HAUS1: variants seen among roughly 807,000 people sequenced by gnomAD.
HAUS1 encodes the protein HAUS augmin like complex subunit 1, also known as HAUS augmin-like complex subunit 1.
Under a neutral mutation model 38.6 loss-of-function variants are expected in HAUS1, and 25 were observed. The ratio of observed to expected loss-of-function variants is 0.65; its 90% confidence interval spans 0.47 to 0.91. HAUS1 has a LOEUF of 0.91. Among genes scored for constraint, HAUS1 ranks in the 40% least tolerant of loss-of-function variants. The probability of loss-of-function intolerance (pLI) is 0.00; values close to 1 mark genes in which losing one functional copy is unlikely to be tolerated. For missense variants in HAUS1, 325 were observed against 328.4 expected (o/e 0.99, Z 0.08); for synonymous variants, 109 against 112.9 (o/e 0.97, Z 0.22).
In HAUS1 at chr18:46,124,846, A is replaced by G; in HGVS notation, c.691A>G (p.Thr231Ala). ...SEKLARLKQQ[T>A]IPLKKKLESY... The stretch of plus-strand genomic sequence containing the variant: ...GAAACTGGCAAGATTAAAGCAACAG[A>G]CTATACCTTTGAAGAAAAAATTGGA... Residue 231 changes from threonine to alanine, a missense_variant, in exon 7 of 9, where the codon ACT (threonine) becomes GCT (alanine). Thr to Ala is a moderately conservative substitution (Grantham distance 58). Transcript: ENST00000282058. The G allele has an allele frequency of 6.2e-7, 1 of 1,606,894 alleles. No individual in the cohort carries two copies. The highest frequency in any genetic ancestry group is 2.2e-5 in the East Asian group (1 of 44,828).
chr18:46,116,227 A>T (rs952950989), intron 2 of HAUS1, among the ~76,000 whole-genome samples: 1 of 152,126 alleles, frequency 6.6e-6, no homozygotes, highest in Non-Finnish European at 1.5e-5. Context: ...AATATATCTG[A>T]TATGGGACTT....
rs544347211 is a variant in HAUS1 at position 46,118,154 on chromosome 18, C to A, written c.206-27C>A. The A allele has an allele frequency of 5.6e-6, 9 of 1,606,798 alleles. No individual in the cohort carries two copies. In the South Asian group the frequency reaches 1.0e-4, roughly 18 times the overall value. Reference sequence around the variant, plus strand: ...AAAAATTTTTAAAAAAGCAAACAGTCACTATGGAACTCTTTCATGTTTTTA... The same window carrying A: ...AAAAATTTTTAAAAAAGCAAACAGTAACTATGGAACTCTTTCATGTTTTTA... On this transcript the variant is annotated intron_variant, in intron 2 of 8. Coordinates refer to ENST00000282058, the MANE Select transcript of HAUS1 (RefSeq NM_138443.4).
chr18:46,128,309 T>C lies in HAUS1; in HGVS notation c.*184T>C. The C allele has an allele frequency of 2.2e-6, 1 of 456,946 alleles. No individual in the cohort carries two copies. The highest frequency in any genetic ancestry group is 4.0e-6 in the Non-Finnish European group (1 of 252,034). 28.3% of individuals were successfully genotyped at this position (456,946 alleles called of 1,614,324 possible). On this transcript the variant is annotated 3_prime_UTR_variant, in exon 9 of 9. Transcript: ENST00000282058. ...ATTTTTGTGCCCAAATACATAGTTT[T>C]CATATTAAAAAGCCTTTTCTCTTAC...
intron 1 of HAUS1, 67 bp from the exon 2 acceptor site, chr18:46,105,127 G>A: frequency 8.2e-7 from 1 of 1,220,214 alleles, no homozygotes; most frequent in African/African-American, 1.5e-5. Flanking sequence ...TCACTTCTTT[G>A]TCATATTCTC....
chr18:46,108,753 G>A (rs965525325), intron 2 of HAUS1, among the ~76,000 whole-genome samples: 1 of 151,898 alleles, frequency 6.6e-6, no homozygotes. Flanking sequence ...CTGCTATAAC[G>A]AACTACCTGA....
At chr18:46,118,337 A>C (rs1473757966) in intron 3 of HAUS1, 21 bp downstream of exon 3, 3 of 1,611,986 alleles carry the variant, frequency 1.9e-6, no homozygotes, top group Admixed American at 1.7e-5. Flanking sequence ...TGACAGTTTT[A>C]ATTTCCGCAA....
At chr18:46,121,859 T>G (rs1911951313) in intron 4 of HAUS1, 1 of 152,146 alleles carries the variant, frequency 6.6e-6, no homozygotes, top group Non-Finnish European at 1.5e-5. Context: ...TTTTTTTATT[T>G]GAGATGGAGT....
At chr18:46,110,333 G>GTTTTTTTTTTTTTTTTTTTATTTTTTTT (rs1911588071) in intron 2 of HAUS1, among the ~76,000 whole-genome samples, 1 of 49,994 alleles carries the variant, frequency 2.0e-5, no homozygotes, top group Non-Finnish European at 3.5e-5. Context: ...TTTTTTTAAG[G>GTTTTTTTTTTTTTTTTTTTATTTTTTTT]TTTTTTTTTT....
At chr18:46,112,952 T>C (rs1911692895) in intron 2 of HAUS1, among the ~76,000 whole-genome samples, 1 of 110,906 alleles carries the variant, frequency 9.0e-6, no homozygotes, top group Non-Finnish European at 1.7e-5. Flanking sequence ...ATATATAATA[T>C]ATATAATATG....
At chr18:46,115,478 ATT>A (rs1159101692) in intron 2 of HAUS1, among the ~76,000 whole-genome samples, 1 of 97,274 alleles carries the variant, frequency 1.0e-5, no homozygotes, top group Non-Finnish European at 2.2e-5. Flanking sequence ...AAAAAAAAAA[ATT>A]AGCCAGGGGT....
intron 2 of HAUS1, among the ~76,000 whole-genome samples, chr18:46,108,064 T>C (rs530241031): frequency 1.3e-5 from 2 of 152,240 alleles, no homozygotes; most frequent in South Asian, 4.1e-4. Context: ...TCATTCTTCG[T>C]GCCACCTGTT....
chr18:46,108,271 C>CTTTTTTT (rs1166729740), intron 2 of HAUS1, among the ~76,000 whole-genome samples: 3 of 115,214 alleles, frequency 2.6e-5, no homozygotes, highest in Non-Finnish European at 5.5e-5. Context: ...GAATTTACTT[C>CTTTTTTT]TTTTTTTTTT....
chr18:46,117,408 G>T lies in HAUS1; in HGVS notation c.206-773G>T, dbSNP rs557460443. Reference sequence around the variant, plus strand: ...GGCATGGATGAACCTTGAAACTATTGTGAGAGAAGCTAGTCGCAAAGGACC... The same window carrying T: ...GGCATGGATGAACCTTGAAACTATTTTGAGAGAAGCTAGTCGCAAAGGACC... On this transcript the variant is annotated intron_variant, in intron 2 of 8. Coordinates refer to ENST00000282058, the MANE Select transcript of HAUS1 (RefSeq NM_138443.4). Among the ~76,000 whole-genome samples the T allele has an allele frequency of 7.2e-5, 11 of 152,326 alleles. No homozygotes were observed. The East Asian group carries it at 2.1e-3, about 29-fold the overall frequency.
At chr18:46,113,052 TTATATATATAATATATATATTCC>T in intron 2 of HAUS1, among the ~76,000 whole-genome samples, 2 of 134,474 alleles carry the variant, frequency 1.5e-5, no homozygotes, top group African/African-American at 5.7e-5. Context: ...ATATTCCATA[TTATATATATAATATATATATTCC>T]ATATATATAT....
intron 4 of HAUS1, among the ~76,000 whole-genome samples, chr18:46,122,025 A>G (rs1157044053): frequency 6.6e-6 from 1 of 152,002 alleles, no homozygotes; most frequent in Non-Finnish European, 1.5e-5. Context: ...TATTTTTAGT[A>G]AAGACAGGGT....
chr18:46,112,346 TTATATATAA>T (rs1371915009), intron 2 of HAUS1, among the ~76,000 whole-genome samples: 1 of 100,678 alleles, frequency 9.9e-6, no homozygotes, highest in African/African-American at 5.2e-5. Context: ...ATATTCCATA[TTATATATAA>T]TATATATAAT....
At chr18:46,104,550 A>C in intron 1 of HAUS1, 109 bp downstream of exon 1, 1 of 913,022 alleles carries the variant, frequency 1.1e-6, no homozygotes, top group Non-Finnish European at 1.5e-6. Context: ...TCTCTCCCCT[A>C]TTCCACACAT....
Position 46,128,112 on chromosome 18 carries a change from T to C in HAUS1, c.824T>C (p.Met275Thr). ...IEAELTRRVD[M>T]MEL ...GCTGAACTTACAAGAAGAGTAGACATGATGGAACTGTGACAAAAGCCAAAT... is the reference window on the plus strand; with the variant it reads ...GCTGAACTTACAAGAAGAGTAGACACGATGGAACTGTGACAAAAGCCAAAT... The change falls in exon 9 of 9, where the codon ATG becomes ACG. Residue 275 changes from methionine (M) to threonine (T), a missense_variant. Coordinates refer to ENST00000282058, the MANE Select transcript of HAUS1 (RefSeq NM_138443.4). 1.3e-6 allele frequency: 2 copies of C among 1,588,192 alleles called. No homozygotes were observed. The highest frequency in any genetic ancestry group is 8.5e-7 in the Non-Finnish European group (1 of 1,169,812).
At position 46,116,662 on chromosome 18, in the gene HAUS1, A is replaced by T. The variant is rs563533090; in HGVS notation, c.206-1519A>T. The stretch of plus-strand genomic sequence containing the variant: ...ATACACAGACATTTCTCCTACGAAG[A>T]TACACAAATGGTCACAAAGCACGGC... On this transcript the variant is annotated intron_variant, in intron 2 of 8. Coordinates refer to ENST00000282058, the MANE Select transcript of HAUS1 (RefSeq NM_138443.4). 3.9e-5 allele frequency among the ~76,000 whole-genome samples: 6 copies of T among 152,186 alleles called. No homozygotes were observed. The East Asian group carries it at 1.2e-3, about 29-fold the overall frequency.
Sources: allele counts gnomAD v4.1 joint callset (sites outside exome capture counted in the v4.1 genomes callset), GRCh38; gene constraint gnomAD v4.1.1; transcripts MANE v1.5; gene names NCBI Gene and HGNC (gene_info 2026-07-23, HGNC 2026-07-21).